JAZF1: variants seen among roughly 807,000 people sequenced by gnomAD.
JAZF1 encodes juxtaposed with another zinc finger protein 1.
In JAZF1, 8 loss-of-function variants were observed where a neutral mutation model predicts 26.4. The observed-to-expected ratio is 0.30, with a 90% CI of 0.18 to 0.55. The LOEUF (loss-of-function observed/expected upper bound fraction) is 0.55, where lower values mean the gene tolerates loss of function less well. Among genes scored for constraint, JAZF1 ranks in the 20% least tolerant of loss-of-function variants. The probability of loss-of-function intolerance (pLI) is 0.94; values close to 1 mark genes in which losing one functional copy is unlikely to be tolerated. For synonymous variants in JAZF1, 126 were observed against 122.3 expected (o/e 1.03, Z -0.20); for missense variants, 199 against 322.0 (o/e 0.62, Z 2.92).
intron 3 of JAZF1, among the ~76,000 whole-genome samples, chr7:27,849,752 G>GACACACACAC (rs72394231): frequency 6.5e-5 from 7 of 108,442 alleles, no homozygotes; most frequent in Non-Finnish European, 9.6e-5. Context: ...CTTACACACA[G>GACACACACAC]ACACACACAC....
intron 1 of JAZF1, among the ~76,000 whole-genome samples, chr7:28,080,849 A>G (rs1041673558): frequency 6.6e-6 from 1 of 152,110 alleles, no homozygotes; most frequent in Non-Finnish European, 1.5e-5. Flanking sequence ...AATTTAAAAT[A>G]TTGCAAGAAT....
intron 1 of JAZF1, among the ~76,000 whole-genome samples, chr7:28,056,475 C>CACAA (rs71555731): frequency 0.076 from 9,158 of 119,942 alleles, 851 homozygotes; most frequent in African/African-American, 0.18. Flanking sequence ...CACACACACA[C>CACAA]AATAAGAAAG....
intron 1 of JAZF1, among the ~76,000 whole-genome samples, chr7:28,093,550 T>G (rs1784335809): frequency 6.6e-6 from 1 of 152,238 alleles, no homozygotes; most frequent in Non-Finnish European, 1.5e-5. Context: ...TTCAAACTTA[T>G]CTGAAAAACT....
At position 28,180,547 on chromosome 7, in the gene JAZF1, A is replaced by G; in HGVS notation, c.31T>C (p.Ser11Pro). 2 of 1,608,502 alleles carry G rather than the reference A, an allele frequency of 1.2e-6. No homozygotes were observed. Among genetic ancestry groups the G allele is most frequent in the Non-Finnish European group, 8.5e-7 (1 of 1,178,110 alleles). Residue 11 changes from serine (S) to proline (P), a missense_variant, in exon 1 of 5, where the codon TCC becomes CCC. Coordinates refer to ENST00000283928, the MANE Select transcript of JAZF1 (RefSeq NM_175061.4). MTGIAAASFFSNTCRFGGCGL... is the reference protein window; with the variant it reads MTGIAAASFFPNTCRFGGCGL... ...CAGCCCCCGAATCGGCAGGTATTGGAGAAGAAGGAGGCGGCGGCGATGCCT... is the reference window on the plus strand; with the variant it reads ...CAGCCCCCGAATCGGCAGGTATTGGGGAAGAAGGAGGCGGCGGCGATGCCT...
chr7:28,156,603 A>G (rs849134), intron 1 of JAZF1, among the ~76,000 whole-genome samples: 61,570 of 152,036 alleles, frequency 0.4, 13,415 homozygotes, highest in Non-Finnish European at 0.5. Context: ...CCAAGAGTGT[A>G]TTGAAATTAC....
At chr7:27,891,910 T>C (rs948532094) in intron 3 of JAZF1, among the ~76,000 whole-genome samples, 5 of 152,164 alleles carry the variant, frequency 3.3e-5, no homozygotes, top group Non-Finnish European at 5.9e-5. Context: ...CTCGAAACTT[T>C]AGGATAAAGC....
intron 1 of JAZF1, among the ~76,000 whole-genome samples, chr7:28,165,202 A>C (rs746510707): frequency 6.6e-6 from 1 of 152,138 alleles, no homozygotes. Context: ...CAAAAACAAC[A>C]ACCTTATTTT....
At chr7:27,833,145 C>G in intron 4 of JAZF1, 169 bp from the exon 5 acceptor site, 1 of 481,524 alleles carries the variant, frequency 2.1e-6, no homozygotes, top group Non-Finnish European at 3.7e-6. Flanking sequence ...GTGTGTCGGT[C>G]ATGGGCTGTA....
At chr7:27,910,010 AAC>A (rs1336961594) in intron 2 of JAZF1, among the ~76,000 whole-genome samples, 1 of 152,268 alleles carries the variant, frequency 6.6e-6, no homozygotes, top group African/African-American at 2.4e-5. Context: ...GCAGGGACAC[AAC>A]ACACACTGCC....
chr7:28,103,345 G>A (rs1784503472), intron 1 of JAZF1, among the ~76,000 whole-genome samples: 1 of 152,136 alleles, frequency 6.6e-6, no homozygotes, highest in Non-Finnish European at 1.5e-5. Context: ...GGTGGCTGAG[G>A]TGGGAGGATC....
At chr7:28,060,536 G>T (rs1783781998) in intron 1 of JAZF1, among the ~76,000 whole-genome samples, 1 of 152,158 alleles carries the variant, frequency 6.6e-6, no homozygotes, top group Admixed American at 6.5e-5. Flanking sequence ...ATGTTTTTCT[G>T]ACCATTCAGC....
intron 3 of JAZF1, chr7:27,842,300 G>C (rs1782937713): frequency 6.6e-6 from 1 of 152,186 alleles, no homozygotes; most frequent in Non-Finnish European, 1.5e-5. Context: ...GAGCCCTCGT[G>C]AGGTTAAAAC....
At chr7:27,904,350 T>G (rs1381104583) in intron 2 of JAZF1, among the ~76,000 whole-genome samples, 7 of 152,186 alleles carry the variant, frequency 4.6e-5, no homozygotes, top group Non-Finnish European at 1.0e-4. Flanking sequence ...GCAACTTAAT[T>G]CCATAGTGAA....
rs569739645 is a variant in JAZF1 at position 28,119,278 on chromosome 7, A to G, written c.115+61185T>C. Among the ~76,000 whole-genome samples the G allele has an allele frequency of 1.1e-4, 17 of 152,272 alleles. No homozygotes were observed. In the South Asian group the frequency reaches 3.3e-3, roughly 30 times the overall value. ...GCTTGCAAGTAAGTGCCTAATGGAG[A>G]TGATTTGCCCTTATATCATATCTAA... On this transcript the variant is annotated intron_variant, in intron 1 of 4. Coordinates refer to ENST00000283928, the MANE Select transcript of JAZF1 (RefSeq NM_175061.4).
intron 1 of JAZF1, among the ~76,000 whole-genome samples, chr7:28,054,557 G>C (rs1440159963): frequency 3.3e-5 from 5 of 152,024 alleles, no homozygotes; most frequent in Admixed American, 6.6e-5. Flanking sequence ...TTGCTGACAG[G>C]ATCTCTATTT....
At chr7:27,868,738 C>A (rs1342188243) in intron 3 of JAZF1, among the ~76,000 whole-genome samples, 1 of 152,210 alleles carries the variant, frequency 6.6e-6, no homozygotes, top group Admixed American at 6.5e-5. Context: ...AACATTTAAA[C>A]CCTGTTTGTG....
chr7:28,011,559 C>G (rs768788429), intron 1 of JAZF1, among the ~76,000 whole-genome samples: 6 of 152,172 alleles, frequency 3.9e-5, no homozygotes, highest in Non-Finnish European at 7.4e-5. Flanking sequence ...TAAACATTTA[C>G]GTCATCTTTG....
intron 2 of JAZF1, among the ~76,000 whole-genome samples, chr7:27,974,456 G>A (rs1283969301): frequency 6.6e-6 from 1 of 152,196 alleles, no homozygotes; most frequent in Non-Finnish European, 1.5e-5. Context: ...TAAGGAACTT[G>A]AGTACAGTGC....
At chr7:28,089,921 A>C (rs1784267722) in intron 1 of JAZF1, among the ~76,000 whole-genome samples, 1 of 152,356 alleles carries the variant, frequency 6.6e-6, no homozygotes, top group Admixed American at 6.5e-5. Context: ...GTAAAATACA[A>C]GATGAGAGAA....
Sources: gnomAD v4.1 joint callset for allele counts (sites outside exome capture counted in the v4.1 genomes callset) on GRCh38, gnomAD v4.1.1 for gene constraint, MANE v1.5 for transcripts, NCBI Gene and HGNC (gene_info 2026-07-23, HGNC 2026-07-21) for gene names.